The following CADM2 variants were observed in gnomAD, a reference collection of about 807,000 sequenced individuals.
CADM2 encodes the protein immunoglobulin superfamily member 4D.
A neutral mutation model predicts 49.8 loss-of-function variants in CADM2; 12 were observed. The ratio of observed to expected loss-of-function variants is 0.24; its 90% CI spans 0.15 to 0.39. The LOEUF is 0.39. Among genes scored for constraint, CADM2 ranks in the 10% least tolerant of loss-of-function variants. The pLI is 1.00. For synonymous variants in CADM2, 214 were observed against 175.4 expected (o/e 1.22, Z -1.74); for missense variants, 378 against 492.3 (o/e 0.77, Z 2.20).
chr3:85,911,588 T>C (rs999601338), intron 5 of CADM2, among the ~76,000 whole-genome samples: 3 of 152,218 alleles, frequency 2.0e-5, no homozygotes, highest in African/African-American at 7.2e-5. Context: ...TCATCCTAAG[T>C]ATCCTTTAGC....
At chr3:85,156,221 C>T (rs2040115667) in intron 1 of CADM2, among the ~76,000 whole-genome samples, 1 of 151,700 alleles carries the variant, frequency 6.6e-6, no homozygotes, top group African/African-American at 2.4e-5. Context: ...ATTGATAGAC[C>T]ACTAGCAAGA....
chr3:86,010,360 A>G (rs1239316351), intron 8 of CADM2, among the ~76,000 whole-genome samples: 4 of 151,852 alleles, frequency 2.6e-5, no homozygotes, highest in Non-Finnish European at 5.9e-5. Context: ...TATTCTGTTG[A>G]GTAGTAAAGA....
intron 1 of CADM2, among the ~76,000 whole-genome samples, chr3:85,161,971 T>C (rs2040340135): frequency 6.6e-6 from 1 of 151,942 alleles, no homozygotes; most frequent in Non-Finnish European, 1.5e-5. Context: ...ATCACATGAC[T>C]ACACTCCAGA....
At chr3:85,004,014 G>A (rs921083654) in intron 1 of CADM2, among the ~76,000 whole-genome samples, 1 of 151,992 alleles carries the variant, frequency 6.6e-6, no homozygotes, top group Non-Finnish European at 1.5e-5. Flanking sequence ...AGGGTAAAAT[G>A]TTTTTTCGGT....
intron 1 of CADM2, among the ~76,000 whole-genome samples, chr3:85,414,226 G>A (rs1041109654): frequency 1.3e-5 from 2 of 152,022 alleles, no homozygotes; most frequent in Admixed American, 6.6e-5. Flanking sequence ...TGTTCTTTAC[G>A]ATATCTCTTC....
chr3:85,591,944 C>T (rs895756179), intron 1 of CADM2, among the ~76,000 whole-genome samples: 1 of 151,788 alleles, frequency 6.6e-6, no homozygotes, highest in African/African-American at 2.4e-5. Context: ...ATAGGCCAGG[C>T]AATGAAACAC....
At chr3:85,501,441 C>T (rs544293958) in intron 1 of CADM2, among the ~76,000 whole-genome samples, 4 of 152,168 alleles carry the variant, frequency 2.6e-5, no homozygotes, top group Non-Finnish European at 5.9e-5. Context: ...ATTTACCAAG[C>T]CTTCCTTGAG....
At chr3:85,935,907 T>C (rs781551113) in intron 7 of CADM2, 50 bp downstream of exon 7, 4 of 1,101,084 alleles carry the variant, frequency 3.6e-6, no homozygotes, top group Non-Finnish European at 5.5e-6. Flanking sequence ...TCTTTTATCT[T>C]GCTTTGATTA....
At chr3:85,637,954 T>G (rs1253908313) in intron 1 of CADM2, among the ~76,000 whole-genome samples, 1 of 152,180 alleles carries the variant, frequency 6.6e-6, no homozygotes, top group Non-Finnish European at 1.5e-5. Flanking sequence ...AATCTGATGT[T>G]TAATGCTGTA....
intron 7 of CADM2, among the ~76,000 whole-genome samples, chr3:85,952,513 C>T (rs141381636): frequency 6.6e-6 from 1 of 151,008 alleles, no homozygotes; most frequent in Non-Finnish European, 1.5e-5. Context: ...CACTTGAATT[C>T]AGCATGTTCA....
At chr3:85,263,740 T>G (rs774565276) in intron 1 of CADM2, among the ~76,000 whole-genome samples, 1 of 152,156 alleles carries the variant, frequency 6.6e-6, no homozygotes, top group Non-Finnish European at 1.5e-5. Context: ...TAATTATCAC[T>G]GGTCTATTTT....
At chr3:85,769,770 A>G (rs1222752159) in intron 2 of CADM2, among the ~76,000 whole-genome samples, 1 of 150,768 alleles carries the variant, frequency 6.6e-6, no homozygotes, top group Middle Eastern at 3.2e-3. Context: ...ACAGATGACA[A>G]TGCTTGGTTT....
Position 84,970,621 on chromosome 3 carries a change from A to G in CADM2, c.61+10953A>G, listed in dbSNP as rs559887112. Among the ~76,000 whole-genome samples, 21 of 152,166 alleles carry G rather than the reference A, an allele frequency of 1.4e-4. 1 individual carries two copies. In the South Asian group the frequency reaches 1.5e-3, roughly 11 times the overall value. ...TGCCAGGTGCGGAAATCACTCTGTC[A>G]TCCTCATAGAGAAATATATATTCTG... On this transcript the variant is annotated intron_variant, in intron 1 of 9. Coordinates refer to ENST00000383699, the MANE Select transcript of CADM2 (RefSeq NM_001167675.2).
At chr3:85,981,719 A>G (rs1040826817) in intron 8 of CADM2, among the ~76,000 whole-genome samples, 1 of 151,590 alleles carries the variant, frequency 6.6e-6, no homozygotes, top group Non-Finnish European at 1.5e-5. Flanking sequence ...AGTATTTCTA[A>G]TGCATATGTA....
At chr3:84,969,480 T>A (rs909581756) in intron 1 of CADM2, among the ~76,000 whole-genome samples, 9 of 150,758 alleles carry the variant, frequency 6.0e-5, no homozygotes, top group African/African-American at 2.2e-4. Context: ...TATTATAGTA[T>A]TTTGACTAAT....
intron 7 of CADM2, among the ~76,000 whole-genome samples, chr3:85,958,788 T>G (rs935807939): frequency 6.6e-6 from 1 of 151,870 alleles, no homozygotes; most frequent in Non-Finnish European, 1.5e-5. Context: ...CTCAGCAAAC[T>G]AATACAAGAA....
At chr3:85,603,303 G>C (rs185104947) in intron 1 of CADM2, among the ~76,000 whole-genome samples, 1 of 151,820 alleles carries the variant, frequency 6.6e-6, no homozygotes, top group Non-Finnish European at 1.5e-5. Context: ...TTTTTGAAGG[G>C]GAGAAGGGAT....
intron 1 of CADM2, among the ~76,000 whole-genome samples, chr3:85,382,830 A>G (rs1172101404): frequency 2.6e-5 from 4 of 152,206 alleles, no homozygotes; most frequent in Non-Finnish European, 5.9e-5. Flanking sequence ...AATTTATTAT[A>G]CTACCATATT....
chr3:85,781,160 C>A (rs1170358159), intron 2 of CADM2, among the ~76,000 whole-genome samples: 1 of 152,160 alleles, frequency 6.6e-6, no homozygotes, highest in Non-Finnish European at 1.5e-5. Context: ...TCGGTACTTG[C>A]AACTAATTAA....
Sources: gnomAD v4.1 joint callset for allele counts (sites outside exome capture counted in the v4.1 genomes callset) on GRCh38, gnomAD v4.1.1 for gene constraint, MANE v1.5 for transcripts, NCBI Gene and HGNC (gene_info 2026-07-23, HGNC 2026-07-21) for gene names.